SLC28A3: variants seen among roughly 807,000 people sequenced by gnomAD.
The protein encoded by SLC28A3 is solute carrier family 28 member 3, also known as concentrative Na(+)-nucleoside cotransporter 3.
Under a neutral mutation model 84.2 loss-of-function variants are expected in SLC28A3, and 68 were observed. The ratio of observed to expected loss-of-function variants is 0.81; its 90% CI spans 0.66 to 0.99. SLC28A3 has a LOEUF of 0.99. Among genes scored for constraint, SLC28A3 ranks in the 50% least tolerant of loss-of-function variants. SLC28A3 has a pLI of 0.00. For missense variants in SLC28A3, 712 were observed against 841.5 expected (o/e 0.85, Z 1.90); for synonymous variants, 267 against 303.6 (o/e 0.88, Z 1.25).
chr9:84,354,778 C>T, the SLC28A3 span, among the ~76,000 whole-genome samples: 1 of 150,652 alleles, frequency 6.6e-6, no homozygotes, highest in Non-Finnish European at 1.5e-5. Flanking sequence ...GCCCAGGAGG[C>T]AGAGGTTGCA....
the SLC28A3 span, among the ~76,000 whole-genome samples, chr9:84,350,370 G>A: frequency 2.6e-5 from 4 of 152,052 alleles, no homozygotes; most frequent in Admixed American, 2.6e-4. Context: ...TGAACCAGGA[G>A]GCAGAGTTTG....
In SLC28A3 at chr9:84,276,142, T is replaced by C. The variant is rs1824518339; in HGVS notation, c.*2076A>G. On this transcript the variant is annotated 3_prime_UTR_variant, in exon 18 of 18. Transcript: ENST00000376238. The stretch of plus-strand genomic sequence containing the variant: ...ACTTTTAAGCACATTTAGACCAACA[T>C]GGGTATGTAAATTTACTTTGCAAAT... 1 of 152,016 alleles carries C rather than the reference T, an allele frequency of 6.6e-6. No homozygotes were observed. Among genetic ancestry groups the C allele is most frequent in the Admixed American group, 6.6e-5 (1 of 15,254 alleles). The allele number at this position is 152,016 out of a possible 1,614,324, so 9.4% of individuals were successfully genotyped here. A position where few individuals can be genotyped will look rare whatever the true frequency, so the allele number is the denominator to read the frequency against.
At chr9:84,317,457 G>C (rs181925310) in intron 1 of SLC28A3, among the ~76,000 whole-genome samples, 2 of 152,264 alleles carry the variant, frequency 1.3e-5, no homozygotes, top group East Asian at 3.9e-4. Flanking sequence ...TATCCTTTGA[G>C]TAACATGGGT....
Position 84,288,176 on chromosome 9 carries a change from A to T in SLC28A3, c.1152T>A (p.Val384=). 6.2e-7 allele frequency: 1 copy of T among 1,613,974 alleles called. No homozygotes were observed. The highest frequency in any genetic ancestry group is 8.5e-7 in the Non-Finnish European group (1 of 1,179,890). The part of the protein sequence containing the change: ...SVLGAYISFG[V]PSSHLLTASV... ...ACGCTGTTAACAAGTGGGAGGATGG[A>T]ACCTGCAATTTCAGAAGAAAGAAGG... The change falls in exon 12 of 18, where the codon GTT becomes GTA. Residue 384 remains valine (V), a splice_region_variant and synonymous_variant. Transcript: ENST00000376238.
chr9:84,290,234 T>C lies in SLC28A3; in HGVS notation c.1069A>G (p.Lys357Glu), dbSNP rs775964016. 6.2e-7 allele frequency: 1 copy of C among 1,614,014 alleles called. No individual in the cohort carries two copies. Residue 357 changes from lysine to glutamate, a missense_variant, in exon 11 of 18, where the codon AAG becomes GAG. Coordinates refer to ENST00000376238, the MANE Select transcript of SLC28A3 (RefSeq NM_001199633.2). ...GTCATGATGGCGTGGAGTTCAGACTTGGTGATGTAAGGTAAATATGGTCGG... is the reference window on the plus strand; with the variant it reads ...GTCATGATGGCGTGGAGTTCAGACTCGGTGATGTAAGGTAAATATGGTCGG... ...LVRPYLPYIT[K>E]SELHAIMTAG...
the SLC28A3 span, among the ~76,000 whole-genome samples, chr9:84,352,434 G>C: frequency 6.6e-6 from 1 of 151,824 alleles, no homozygotes; most frequent in South Asian, 2.1e-4. Context: ...CCGCCTGCCT[G>C]TGCCTCCCAA....
At chr9:84,310,680 T>G in intron 2 of SLC28A3, 1 of 786,874 alleles carries the variant, frequency 1.3e-6, no homozygotes, top group Non-Finnish European at 1.5e-6. Context: ...CAAACTCCAT[T>G]GTTCTTCTGA....
chr9:84,365,350 C>T, the SLC28A3 span, among the ~76,000 whole-genome samples: 3 of 152,074 alleles, frequency 2.0e-5, no homozygotes, highest in African/African-American at 4.8e-5. Context: ...AATCTTTTTG[C>T]CTAGTTTTAA....
At chr9:84,307,132 C>CAAAAAAAAA (rs34204820) in intron 3 of SLC28A3, among the ~76,000 whole-genome samples, 2 of 119,672 alleles carry the variant, frequency 1.7e-5, no homozygotes, top group Non-Finnish European at 1.8e-5. Context: ...CCGTCTCAAC[C>CAAAAAAAAA]AAAAAAAAAA....
intron 1 of SLC28A3, among the ~76,000 whole-genome samples, chr9:84,324,815 G>A (rs572692735): frequency 6.6e-6 from 1 of 152,178 alleles, no homozygotes; most frequent in Admixed American, 6.5e-5. Context: ...GGTCAGGAGA[G>A]TAAGGCAACT....
chr9:84,308,751 G>A (rs1159456679), intron 3 of SLC28A3, among the ~76,000 whole-genome samples: 3 of 152,306 alleles, frequency 2.0e-5, no homozygotes, highest in South Asian at 2.1e-4. Context: ...CCTGGACTAG[G>A]AATCAGAAGC....
At chr9:84,339,800 T>C (rs1827097069) in intron 1 of SLC28A3, among the ~76,000 whole-genome samples, 1 of 152,184 alleles carries the variant, frequency 6.6e-6, no homozygotes, top group South Asian at 2.1e-4. Flanking sequence ...TGCTGGAGTC[T>C]GAACTCCTGT....
At chr9:84,359,546 T>C in the SLC28A3 span, among the ~76,000 whole-genome samples, 85 of 152,318 alleles carry the variant, frequency 5.6e-4, no homozygotes, top group Middle Eastern at 3.4e-3. Flanking sequence ...GAACAGTATT[T>C]ATACTACTAT....
At position 84,277,935 on chromosome 9, in the gene SLC28A3, G is replaced by T; in HGVS notation, c.*283C>A. ...TAGCTGTATTCTGGTGAAATGCCTT[G>T]CAAACATTAAAGTCAGAAAATCCCA... On this transcript the variant is annotated 3_prime_UTR_variant, in exon 18 of 18. Coordinates refer to ENST00000376238, the MANE Select transcript of SLC28A3 (RefSeq NM_001199633.2). The T allele has an allele frequency of 1.3e-5, 5 of 376,908 alleles. No homozygotes were observed. The highest frequency in any genetic ancestry group is 7.8e-4 in the Middle Eastern group (1 of 1,282). The allele number at this position is 376,908 out of a possible 1,614,324, so 23.3% of individuals were successfully genotyped here. A position where few individuals can be genotyped will look rare whatever the true frequency, so the allele number is the denominator to read the frequency against.
the SLC28A3 span, among the ~76,000 whole-genome samples, chr9:84,356,788 G>T: frequency 6.6e-6 from 1 of 151,848 alleles, no homozygotes; most frequent in African/African-American, 2.4e-5. Flanking sequence ...CTGAGATCAC[G>T]CCACTGCACT....
At chr9:84,302,473 G>A (rs568266456) in intron 4 of SLC28A3, 84 bp from the exon 5 acceptor site, 253 of 1,372,328 alleles carry the variant, frequency 1.8e-4, no homozygotes, top group South Asian at 1.1e-3. Context: ...TGGCGCAGGT[G>A]AGGGGAGGTT....
At chr9:84,278,449 C>G in intron 17 of SLC28A3, 105 bp from the exon 18 acceptor site, 1 of 1,452,572 alleles carries the variant, frequency 6.9e-7, no homozygotes, top group Non-Finnish European at 9.3e-7. Context: ...AGCTGATTTT[C>G]TTGCTCACAT....
upstream of SLC28A3, among the ~76,000 whole-genome samples, chr9:84,342,580 A>T (rs1480592319): frequency 1.4e-5 from 2 of 143,084 alleles, no homozygotes; most frequent in Admixed American, 7.0e-5. Flanking sequence ...CCATGGCTAA[A>T]TTTTTTTTTT....
chr9:84,323,255 C>T (rs936079429), intron 1 of SLC28A3, among the ~76,000 whole-genome samples: 2 of 152,094 alleles, frequency 1.3e-5, no homozygotes, highest in African/African-American at 4.8e-5. Context: ...AATTTCCCAG[C>T]AAGTATATGA....
Sources: allele counts gnomAD v4.1 joint callset (sites outside exome capture counted in the v4.1 genomes callset), GRCh38; gene constraint gnomAD v4.1.1; transcripts MANE v1.5; gene names NCBI Gene and HGNC (gene_info 2026-07-23, HGNC 2026-07-21).